Variants in SPEF2 observed in about 807,000 individuals in gnomAD.
The protein encoded by SPEF2 is sperm flagella and cilia-associated protein 2.
In SPEF2, 187 loss-of-function variants were observed where a neutral mutation model predicts 224.6. That is an observed-to-expected ratio of 0.83 (90% CI 0.74 to 0.94). The LOEUF is 0.94. Among genes scored for constraint, SPEF2 ranks in the 40% least tolerant of loss-of-function variants. SPEF2 has a pLI of 0.00. For missense variants in SPEF2, 2,170 were observed against 2,135.6 expected (o/e 1.02, Z -0.32); for synonymous variants, 715 against 707.3 (o/e 1.01, Z -0.17).
At position 35,739,278 on chromosome 5, in the gene SPEF2, C is replaced by T. The variant is rs571495202; in HGVS notation, c.3064-641C>T. Among the ~76,000 whole-genome samples, 662 of 152,232 alleles carry T rather than the reference C, an allele frequency of 4.3e-3. 1 individual carries two copies. Among genetic ancestry groups the T allele is most frequent in the Admixed American group, 7.0e-3 (107 of 15,304 alleles). On this transcript the variant is annotated intron_variant, in intron 21 of 36. Transcript: ENST00000356031. ...AAGTAAATGATGATGTTACAATTAA[C>T]GTCATCAGTGTTATGATGGGAAAAG... is the stretch of plus-strand genomic sequence containing the variant.
At chr5:35,795,625 C>T in intron 32 of SPEF2, 78 bp from the exon 33 acceptor site, 2 of 1,271,020 alleles carry the variant, frequency 1.6e-6, no homozygotes, top group Non-Finnish European at 2.2e-6. Flanking sequence ...ACAAGATTGG[C>T]TCAGTCTCTG....
intron 26 of SPEF2, among the ~76,000 whole-genome samples, chr5:35,766,827 GTTAC>G (rs1316154917): frequency 1.3e-5 from 2 of 151,482 alleles, no homozygotes; most frequent in East Asian, 3.9e-4. Flanking sequence ...TTTCTAATAT[GTTAC>G]TTTTATCATC....
intron 29 of SPEF2, among the ~76,000 whole-genome samples, chr5:35,776,847 A>C (rs975203643): frequency 6.6e-6 from 1 of 152,180 alleles, no homozygotes; most frequent in African/African-American, 2.4e-5. Context: ...ACCAACCCCA[A>C]GTTCTACTTT....
intron 10 of SPEF2, among the ~76,000 whole-genome samples, chr5:35,679,676 C>T (rs1243205189): frequency 6.6e-6 from 1 of 152,210 alleles, no homozygotes; most frequent in Non-Finnish European, 1.5e-5. Flanking sequence ...ATTGTACGTA[C>T]CCATTGACAT....
At chr5:35,621,905 T>G (rs1743574957) in intron 1 of SPEF2, among the ~76,000 whole-genome samples, 2 of 152,198 alleles carry the variant, frequency 1.3e-5, no homozygotes, top group African/African-American at 4.8e-5. Context: ...TTCCTGCCCC[T>G]CTGGCCTACA....
intron 15 of SPEF2, chr5:35,699,098 G>T (rs192373883): frequency 2.0e-5 from 3 of 152,248 alleles, no homozygotes; most frequent in African/African-American, 7.2e-5. Context: ...CATTGGATTT[G>T]GGTGATTTTT....
intron 24 of SPEF2, among the ~76,000 whole-genome samples, chr5:35,755,281 A>G (rs1750267276): frequency 6.6e-6 from 1 of 152,248 alleles, no homozygotes; most frequent in African/African-American, 2.4e-5. Flanking sequence ...TAGCATCCCC[A>G]CGACATTGGT....
intron 25 of SPEF2, among the ~76,000 whole-genome samples, chr5:35,759,966 C>T (rs6451216): frequency 0.9 from 136,217 of 152,106 alleles, 61,380 homozygotes; most frequent in South Asian, 0.99. Context: ...TGTTTTATGA[C>T]GGAGTCATCC....
At chr5:35,801,384 G>T (rs1329347468) in intron 34 of SPEF2, among the ~76,000 whole-genome samples, 1 of 152,106 alleles carries the variant, frequency 6.6e-6, no homozygotes, top group Non-Finnish European at 1.5e-5. Flanking sequence ...GTGGTGGTGT[G>T]TGCCTGTAGT....
chr5:35,697,862 A>T, intron 15 of SPEF2, 69 bp downstream of exon 15: 1 of 1,149,812 alleles, frequency 8.7e-7, no homozygotes. Flanking sequence ...TGTATAAAGA[A>T]TAATACGGAT....
At chr5:35,747,929 A>G (rs1444569157) in intron 23 of SPEF2, among the ~76,000 whole-genome samples, 1 of 152,230 alleles carries the variant, frequency 6.6e-6, no homozygotes, top group Non-Finnish European at 1.5e-5. Context: ...AGACCATATG[A>G]TAGGCTATAA....
intron 4 of SPEF2, among the ~76,000 whole-genome samples, chr5:35,645,690 G>A (rs1747266290): frequency 1.3e-5 from 2 of 152,102 alleles, no homozygotes; most frequent in South Asian, 4.1e-4. Context: ...GCCTAATGCA[G>A]ACAGTCTCCA....
At chr5:35,644,901 T>C (rs1747139236) in intron 4 of SPEF2, among the ~76,000 whole-genome samples, 1 of 152,176 alleles carries the variant, frequency 6.6e-6, no homozygotes, top group Admixed American at 6.6e-5. Flanking sequence ...GATCAGACAA[T>C]GTCCTCTCGC....
intron 7 of SPEF2, 36 bp from the exon 8 acceptor site, chr5:35,658,983 C>T (rs747649884): frequency 1.0e-5 from 15 of 1,460,494 alleles, no homozygotes; most frequent in Middle Eastern, 2.1e-4. Flanking sequence ...GAAATTTGGA[C>T]GTCACTTTAA....
chr5:35,716,260 A>T (rs565375171), intron 20 of SPEF2, among the ~76,000 whole-genome samples: 1 of 152,192 alleles, frequency 6.6e-6, no homozygotes, highest in South Asian at 2.1e-4. Context: ...TAACACTGAG[A>T]TAAAAGTTTT....
At chr5:35,619,778 T>C (rs1743241964) in intron 1 of SPEF2, among the ~76,000 whole-genome samples, 1 of 152,138 alleles carries the variant, frequency 6.6e-6, no homozygotes, top group South Asian at 2.1e-4. Context: ...TTAGGAGAAA[T>C]AAATGAAATT....
intron 10 of SPEF2, among the ~76,000 whole-genome samples, chr5:35,676,293 TCTA>T (rs76835551): frequency 0.084 from 12,767 of 152,140 alleles, 751 homozygotes; most frequent in East Asian, 0.31. Flanking sequence ...TTCTGGGCTT[TCTA>T]CTACTGAGTT....
intron 30 of SPEF2, among the ~76,000 whole-genome samples, chr5:35,784,145 T>G (rs1754743396): frequency 1.3e-5 from 2 of 150,566 alleles, no homozygotes; most frequent in South Asian, 4.3e-4. Flanking sequence ...TTTTTTTTTT[T>G]GAGATGGGGT....
chr5:35,711,968 G>A (rs1453157368), intron 19 of SPEF2, among the ~76,000 whole-genome samples: 2 of 152,050 alleles, frequency 1.3e-5, no homozygotes, highest in Non-Finnish European at 2.9e-5. Flanking sequence ...AGGATGTAGT[G>A]AATTTTTTTT....
Sources: gnomAD v4.1 joint callset for allele counts (sites outside exome capture counted in the v4.1 genomes callset) on GRCh38, gnomAD v4.1.1 for gene constraint, MANE v1.5 for transcripts, NCBI Gene and HGNC (gene_info 2026-07-23, HGNC 2026-07-21) for gene names.